The following BATF variants were observed in gnomAD, a reference collection of about 807,000 sequenced individuals.
BATF encodes basic leucine zipper transcriptional factor ATF-like.
A neutral mutation model predicts 13.7 loss-of-function variants in BATF; 5 were observed. The ratio of observed to expected loss-of-function variants is 0.36; its 90% CI spans 0.19 to 0.77. The LOEUF (loss-of-function observed/expected upper bound fraction) is 0.77, where lower values mean the gene tolerates loss of function less well. BATF is among the 30% of genes least tolerant of loss of function. The pLI, the probability that BATF is intolerant of heterozygous loss-of-function variation, is 0.51. For missense variants in BATF, 124 were observed against 163.0 expected (o/e 0.76, Z 1.30); for synonymous variants, 72 against 67.5 (o/e 1.07, Z -0.33).
intron 2 of BATF, among the ~76,000 whole-genome samples, chr14:75,544,975 A>G (rs1863844493): frequency 6.6e-6 from 1 of 152,084 alleles, no homozygotes; most frequent in Non-Finnish European, 1.5e-5. Context: ...GCTAATTACC[A>G]GATTGCAATT....
intron 1 of BATF, 64 bp downstream of exon 1, chr14:75,522,809 G>A (rs561498670): frequency 6.2e-6 from 10 of 1,601,536 alleles, no homozygotes; most frequent in Non-Finnish European, 8.5e-6. Flanking sequence ...AGAGAGCCAG[G>A]CTTCCTTGTC....
chr14:75,546,761 G>C lies in BATF; in HGVS notation c.*90G>C. 7.2e-7 allele frequency: 1 copy of C among 1,395,594 alleles called. No individual in the cohort carries two copies. 86.5% of individuals were successfully genotyped at this position (1,395,594 alleles called of 1,614,324 possible). On this transcript the variant is annotated 3_prime_UTR_variant, in exon 3 of 3. Coordinates refer to ENST00000286639, the MANE Select transcript of BATF (RefSeq NM_006399.5). ...TCCCGCAGAGGCCCCTGTCCACCTG[G>C]AGACCCGGAGACAGAGGCCTGGACA...
chr14:75,532,056 G>A (rs766058651), intron 2 of BATF, among the ~76,000 whole-genome samples: 16 of 152,164 alleles, frequency 1.1e-4, no homozygotes, highest in African/African-American at 3.4e-4. Flanking sequence ...TAACCACTGT[G>A]CCTCAAGTGC....
chr14:75,538,981 G>C (rs1340586237), intron 2 of BATF, among the ~76,000 whole-genome samples: 1 of 152,210 alleles, frequency 6.6e-6, no homozygotes, highest in Non-Finnish European at 1.5e-5. Context: ...GTTTGGTTTT[G>C]AACATTGATA....
At chr14:75,538,866 A>T (rs986296293) in intron 2 of BATF, among the ~76,000 whole-genome samples, 16 of 152,218 alleles carry the variant, frequency 1.1e-4, no homozygotes, top group African/African-American at 3.9e-4. Flanking sequence ...GTGCCACTGC[A>T]CTCCAGCCTG....
chr14:75,539,702 G>A (rs984297803), intron 2 of BATF, among the ~76,000 whole-genome samples: 5 of 152,114 alleles, frequency 3.3e-5, no homozygotes, highest in Admixed American at 6.5e-5. Context: ...AGACATGAAA[G>A]TGAAGGTTCC....
intron 2 of BATF, among the ~76,000 whole-genome samples, chr14:75,526,336 C>T (rs1412940015): frequency 6.6e-6 from 1 of 152,226 alleles, no homozygotes; most frequent in Admixed American, 6.5e-5. Flanking sequence ...TACCTTCCTG[C>T]CCTTGCTCCA....
In BATF at chr14:75,546,785, C is replaced by G. The variant is rs1415626682; in HGVS notation, c.*114C>G. ...GGAGACCCGGAGACAGAGGCCTGGA[C>G]AAGGAGTGAACACGGGAACTGTCAC... On this transcript the variant is annotated 3_prime_UTR_variant, in exon 3 of 3. Coordinates refer to ENST00000286639, the MANE Select transcript of BATF (RefSeq NM_006399.5). 1 of 1,320,494 alleles carries G rather than the reference C, an allele frequency of 7.6e-7. No individual in the cohort carries two copies. Among genetic ancestry groups the G allele is most frequent in the South Asian group, 1.3e-5 (1 of 75,018 alleles). The allele number at this position is 1,320,494 out of a possible 1,614,324, so 81.8% of individuals were successfully genotyped here. A position where few individuals can be genotyped will look rare whatever the true frequency, so the allele number is the denominator to read the frequency against.
intron 2 of BATF, among the ~76,000 whole-genome samples, chr14:75,526,387 CA>C (rs1301713949): frequency 6.6e-6 from 1 of 152,178 alleles, no homozygotes; most frequent in East Asian, 1.9e-4. Context: ...AATTCCTTTC[CA>C]TGGAAAAAGT....
intron 2 of BATF, among the ~76,000 whole-genome samples, chr14:75,530,092 G>T (rs1003840364): frequency 1.4e-5 from 2 of 148,124 alleles, no homozygotes; most frequent in Non-Finnish European, 3.0e-5. Flanking sequence ...AAAGAAAAAT[G>T]AACAATGACT....
At chr14:75,531,719 C>T (rs1212503916) in intron 2 of BATF, among the ~76,000 whole-genome samples, 3 of 152,116 alleles carry the variant, frequency 2.0e-5, no homozygotes, top group Non-Finnish European at 2.9e-5. Flanking sequence ...GTGAGAAATA[C>T]GGTATTTACA....
In BATF at chr14:75,539,349, G is replaced by A. The variant is rs139223096; in HGVS notation, c.169-7113G>A. On this transcript the variant is annotated intron_variant, in intron 2 of 2. Coordinates refer to ENST00000286639, the MANE Select transcript of BATF (RefSeq NM_006399.5). ...CCTTCACCTCCCTCCCGCCCATCAG[G>A]TACTTCTGCTTACGTATCTTTGGTC... 5.0e-3 allele frequency among the ~76,000 whole-genome samples: 751 copies of A among 149,700 alleles called. 3 individuals carry two copies. Among genetic ancestry groups the A allele is most frequent in the African/African-American group, 0.015 (617 of 40,654 alleles).
Position 75,546,682 on chromosome 14 carries a change from CG to C in BATF, c.*15del. The C allele has an allele frequency of 6.4e-7, 1 of 1,572,192 alleles. No homozygotes were observed. Among genetic ancestry groups the C allele is most frequent in the Non-Finnish European group, 8.6e-7 (1 of 1,159,190 alleles). On this transcript the variant is annotated 3_prime_UTR_variant, in exon 3 of 3. Transcript: ENST00000286639. ...CGCTTCCAGCCCTGAGCTTCCGATG[CG>C]GGGAGAGCAGAGCCTCGGGAGGGGC...
intron 2 of BATF, among the ~76,000 whole-genome samples, chr14:75,545,629 C>T (rs570300002): frequency 9.2e-5 from 14 of 152,102 alleles, no homozygotes; most frequent in South Asian, 2.1e-4. Flanking sequence ...ATGCAGACAC[C>T]GGGAGCTTTT....
At chr14:75,523,559 G>A (rs1310472598) in intron 1 of BATF, among the ~76,000 whole-genome samples, 1 of 152,128 alleles carries the variant, frequency 6.6e-6, no homozygotes, top group Non-Finnish European at 1.5e-5. Flanking sequence ...AAAAAGGAGT[G>A]CCCTGCCCAT....
intron 2 of BATF, among the ~76,000 whole-genome samples, chr14:75,530,663 T>TTTTA (rs1433900586): frequency 2.0e-5 from 3 of 152,142 alleles, no homozygotes; most frequent in African/African-American, 7.2e-5. Flanking sequence ...TAATTTAATG[T>TTTTA]TTTATTTATT....
chr14:75,540,775 C>G (rs367946296), intron 2 of BATF, among the ~76,000 whole-genome samples: 1 of 152,120 alleles, frequency 6.6e-6, no homozygotes, highest in South Asian at 2.1e-4. Flanking sequence ...GATTGGCACA[C>G]GGAAGTATTC....
chr14:75,541,981 G>A (rs910815867), intron 2 of BATF, among the ~76,000 whole-genome samples: 1 of 151,916 alleles, frequency 6.6e-6, no homozygotes, highest in Non-Finnish European at 1.5e-5. Flanking sequence ...TAGTGTTCTC[G>A]GGAGACCTTT....
rs754402071 is a variant in BATF, at chr14:75,544,562, C to CAGGAAAAAAAAAAAAAAAAAAAAA, written c.169-1899_169-1898insGGAAAAAAAAAAAAAAAAAAAAAA. Among the ~76,000 whole-genome samples the CAGGAAAAAAAAAAAAAAAAAAAAA allele has an allele frequency of 1.2e-4, 4 of 33,020 alleles. 2 individuals carry two copies. The highest frequency in any genetic ancestry group is 2.4e-4 in the Non-Finnish European group (4 of 16,458). 21.7% of individuals were successfully genotyped at this position (33,020 alleles called of 152,430 possible). A position where few individuals can be genotyped will look rare whatever the true frequency, so the allele number is the denominator to read the frequency against. ...CCTGGGTGACAGAGTGAGACTGTCTCAAAAAAAAAAAAAAAAAAAAAAAAA... is the reference window on the plus strand; with the variant it reads ...CCTGGGTGACAGAGTGAGACTGTCTCAGGAAAAAAAAAAAAAAAAAAAAAAAAAAAAAAAAAAAAAAAAAAAAAA... On this transcript the variant is annotated intron_variant, in intron 2 of 2. Coordinates refer to ENST00000286639, the MANE Select transcript of BATF (RefSeq NM_006399.5).
Sources: gnomAD v4.1 joint callset for allele counts (sites outside exome capture counted in the v4.1 genomes callset) on GRCh38, gnomAD v4.1.1 for gene constraint, MANE v1.5 for transcripts, NCBI Gene and HGNC (gene_info 2026-07-23, HGNC 2026-07-21) for gene names.